The following AFG2A variants were observed in gnomAD, a reference collection of about 807,000 sequenced individuals.
AFG2A encodes AAA ATPase AFG2A.
At chr4:123,216,806 C>A in the AFG2A span, among the ~76,000 whole-genome samples, 1 of 151,894 alleles carries the variant, frequency 6.6e-6, no homozygotes, top group African/African-American at 2.4e-5. Flanking sequence ...AGGTGCACAC[C>A]ACTTTGCCTT....
the AFG2A span, among the ~76,000 whole-genome samples, chr4:123,063,203 A>G: frequency 6.6e-6 from 1 of 152,190 alleles, no homozygotes; most frequent in East Asian, 1.9e-4. Flanking sequence ...CACAATGGAA[A>G]CTGATAAAGA....
At chr4:123,115,316 G>C in the AFG2A span, among the ~76,000 whole-genome samples, 1 of 152,216 alleles carries the variant, frequency 6.6e-6, no homozygotes, top group African/African-American at 2.4e-5. Context: ...TCACTCCGAC[G>C]TGGGGTGGAT....
the AFG2A span, among the ~76,000 whole-genome samples, chr4:123,189,218 G>A: frequency 2.6e-5 from 4 of 152,100 alleles, no homozygotes; most frequent in African/African-American, 9.7e-5. Flanking sequence ...CCTGCTCTGC[G>A]GAATTCTCTC....
At chr4:122,975,051 G>A in the AFG2A span, among the ~76,000 whole-genome samples, 3 of 152,224 alleles carry the variant, frequency 2.0e-5, no homozygotes, top group East Asian at 1.9e-4. Context: ...GTAGTAAATC[G>A]ACCCAATTTA....
At chr4:123,118,305 GTATATATAATATATAT>G in the AFG2A span, among the ~76,000 whole-genome samples, 3 of 24,120 alleles carry the variant, frequency 1.2e-4, no homozygotes, top group African/African-American at 2.5e-4. Context: ...TTATGTGTGT[GTATATATAATATATAT>G]TATATATAAT....
At chr4:123,278,922 T>G in the AFG2A span, among the ~76,000 whole-genome samples, 1 of 152,202 alleles carries the variant, frequency 6.6e-6, no homozygotes, top group Non-Finnish European at 1.5e-5. Flanking sequence ...TTAGTTATGT[T>G]TACACATTAG....
At chr4:123,069,757 C>T in the AFG2A span, among the ~76,000 whole-genome samples, 3 of 152,004 alleles carry the variant, frequency 2.0e-5, no homozygotes, top group East Asian at 3.8e-4. Context: ...TAAATAACTA[C>T]TTGAGGAATT....
At chr4:123,238,019 A>T in the AFG2A span, among the ~76,000 whole-genome samples, 17 of 152,176 alleles carry the variant, frequency 1.1e-4, no homozygotes, top group Non-Finnish European at 1.5e-4. Context: ...AGACAAGGAG[A>T]TTCTCTCCCG....
chr4:123,138,816 G>T, the AFG2A span, among the ~76,000 whole-genome samples: 1 of 151,834 alleles, frequency 6.6e-6, no homozygotes, highest in Non-Finnish European at 1.5e-5. Context: ...TACTATTAGT[G>T]AATAATAATA....
the AFG2A span, among the ~76,000 whole-genome samples, chr4:122,993,530 A>G: frequency 6.6e-6 from 1 of 152,134 alleles, no homozygotes; most frequent in African/African-American, 2.4e-5. Flanking sequence ...ATTTGTGTGT[A>G]AATCTTTGCA....
chr4:123,097,835 G>A, the AFG2A span, among the ~76,000 whole-genome samples: 5 of 152,282 alleles, frequency 3.3e-5, no homozygotes, highest in South Asian at 1.0e-3. Context: ...GCAGACCATG[G>A]CCTTTAGGCC....
the AFG2A span, among the ~76,000 whole-genome samples, chr4:123,005,187 G>T: frequency 2.0e-5 from 3 of 152,000 alleles, no homozygotes; most frequent in Non-Finnish European, 4.4e-5. Flanking sequence ...GTCTCACTCT[G>T]TTGGCCAGGC....
At chr4:123,248,073 C>T in the AFG2A span, among the ~76,000 whole-genome samples, 1 of 150,544 alleles carries the variant, frequency 6.6e-6, no homozygotes, top group Non-Finnish European at 1.5e-5. Flanking sequence ...GCTTTGCACA[C>T]AAAAAAAAAA....
chr4:123,271,472 G>A, the AFG2A span, among the ~76,000 whole-genome samples: 1 of 152,184 alleles, frequency 6.6e-6, no homozygotes, highest in African/African-American at 2.4e-5. Flanking sequence ...CCAGCAGGGT[G>A]ATAGCTGCCA....
At chr4:123,198,833 G>A in the AFG2A span, among the ~76,000 whole-genome samples, 1 of 152,190 alleles carries the variant, frequency 6.6e-6, no homozygotes, top group African/African-American at 2.4e-5. Flanking sequence ...TAAGATTGTG[G>A]TGGGAAGAAA....
chr4:123,100,747 G>A, the AFG2A span, among the ~76,000 whole-genome samples: 3 of 151,888 alleles, frequency 2.0e-5, no homozygotes, highest in African/African-American at 7.2e-5. Flanking sequence ...TTTCTTCAAA[G>A]TCTGCTAAAT....
the AFG2A span, among the ~76,000 whole-genome samples, chr4:122,968,386 A>G: frequency 6.6e-6 from 1 of 152,198 alleles, no homozygotes; most frequent in East Asian, 1.9e-4. Context: ...CACCACTCAG[A>G]TCAAGATACA....
At chr4:123,024,719 T>C in the AFG2A span, among the ~76,000 whole-genome samples, 3 of 152,228 alleles carry the variant, frequency 2.0e-5, no homozygotes, top group Non-Finnish European at 4.4e-5. Flanking sequence ...TAGTTCAGAT[T>C]CTGGTTCAGA....
At chr4:123,028,784 A>G in the AFG2A span, among the ~76,000 whole-genome samples, 1 of 152,224 alleles carries the variant, frequency 6.6e-6, no homozygotes, top group Non-Finnish European at 1.5e-5. Context: ...CAAATGAACA[A>G]GACACTTGTT....
Sources: allele counts gnomAD v4.1 joint callset (sites outside exome capture counted in the v4.1 genomes callset), GRCh38; gene constraint gnomAD v4.1.1; transcripts MANE v1.5; gene names NCBI Gene and HGNC (gene_info 2026-07-23, HGNC 2026-07-21).